AGPAT5: variants seen among roughly 807,000 people sequenced by gnomAD.
AGPAT5 encodes the protein 1-acylglycerol-3-phosphate O-acyltransferase 5, also known as 1-acyl-sn-glycerol-3-phosphate acyltransferase epsilon.
In AGPAT5, 46 loss-of-function variants were observed where a neutral mutation model predicts 45.6. The observed-to-expected ratio is 1.01, with a 90% CI of 0.80 to 1.29. The LOEUF is 1.29. Among genes scored for constraint, AGPAT5 ranks in the 50% most tolerant of loss-of-function variants. The pLI is 0.00. For missense variants in AGPAT5, 673 were observed against 450.7 expected, an observed-to-expected ratio of 1.49 and a Z score of -4.47; for synonymous variants, 272 against 167.0, an observed-to-expected ratio of 1.63 and a Z score of -4.85.
intron 6 of AGPAT5, among the ~76,000 whole-genome samples, chr8:6,753,261 C>G (rs1043139428): frequency 2.6e-5 from 4 of 152,192 alleles, no homozygotes; most frequent in African/African-American, 4.8e-5. Flanking sequence ...ACGAAGCATT[C>G]TATTTCTGAC....
At chr8:6,732,481 A>T in intron 3 of AGPAT5, 80 bp from the exon 4 acceptor site, 1 of 1,052,210 alleles carries the variant, frequency 9.5e-7, no homozygotes, top group Non-Finnish European at 1.3e-6. Flanking sequence ...ACTTTTTGCA[A>T]GAGAAGTTGC....
At chr8:6,710,440 C>G (rs1420618293) in intron 1 of AGPAT5, among the ~76,000 whole-genome samples, 1 of 152,142 alleles carries the variant, frequency 6.6e-6, no homozygotes, top group African/African-American at 2.4e-5. Flanking sequence ...CCTGAGGACC[C>G]TTAAGTATAA....
At position 6,736,735 on chromosome 8, in the gene AGPAT5, A is replaced by G. The variant is rs77094554; in HGVS notation, c.495+4085A>G. 2.7e-3 allele frequency among the ~76,000 whole-genome samples: 407 copies of G among 152,384 alleles called. 2 individuals are homozygous for G. Among genetic ancestry groups the G allele is most frequent in the African/African-American group, 9.4e-3 (389 of 41,600 alleles). Reference sequence around the variant, plus strand: ...AAACGAGATTCTGAGTTGAAGGTGAACTGAGCCATTCAGGCAGTGCAGCCA... The same window carrying G: ...AAACGAGATTCTGAGTTGAAGGTGAGCTGAGCCATTCAGGCAGTGCAGCCA... On this transcript the variant is annotated intron_variant, in intron 4 of 7. Transcript: ENST00000285518.
chr8:6,713,093 A>G (rs1800206159), intron 1 of AGPAT5, among the ~76,000 whole-genome samples: 2 of 152,184 alleles, frequency 1.3e-5, no homozygotes, highest in Non-Finnish European at 2.9e-5. Context: ...CCTGGGTTCA[A>G]GTGATCCTCC....
At chr8:6,750,011 C>G (rs1478177507) in intron 6 of AGPAT5, among the ~76,000 whole-genome samples, 1 of 152,198 alleles carries the variant, frequency 6.6e-6, no homozygotes, top group Non-Finnish European at 1.5e-5. Context: ...CTCCTGCACC[C>G]CATGCATATT....
intron 4 of AGPAT5, among the ~76,000 whole-genome samples, chr8:6,734,463 T>A (rs1339784922): frequency 6.6e-6 from 1 of 152,162 alleles, no homozygotes; most frequent in African/African-American, 2.4e-5. Flanking sequence ...TTTCATAGTT[T>A]CCATCTCTGT....
intron 1 of AGPAT5, chr8:6,709,104 G>T (rs561588911): frequency 4.9e-6 from 3 of 613,292 alleles, no homozygotes; most frequent in Non-Finnish European, 8.7e-6. Flanking sequence ...CTGAGGCTAC[G>T]AGTGGGACCC....
At chr8:6,724,126 C>G (rs1339545590) in intron 1 of AGPAT5, among the ~76,000 whole-genome samples, 2 of 152,150 alleles carry the variant, frequency 1.3e-5, no homozygotes, top group Non-Finnish European at 2.9e-5. Context: ...ACCTGTGTGC[C>G]TACCGCCCAG....
At chr8:6,738,426 T>C (rs1801128950) in intron 4 of AGPAT5, 1 of 152,210 alleles carries the variant, frequency 6.6e-6, no homozygotes, top group Non-Finnish European at 1.5e-5. Context: ...TGTCATCTTA[T>C]ATGGGTGCAA....
At chr8:6,746,777 A>G (rs913964848) in intron 5 of AGPAT5, among the ~76,000 whole-genome samples, 3 of 152,236 alleles carry the variant, frequency 2.0e-5, no homozygotes, top group Non-Finnish European at 4.4e-5. Flanking sequence ...AGAGGCCAGT[A>G]GAAAATCTAG....
intron 1 of AGPAT5, among the ~76,000 whole-genome samples, chr8:6,721,619 C>T (rs1181560312): frequency 2.0e-5 from 3 of 152,074 alleles, no homozygotes; most frequent in Non-Finnish European, 4.4e-5. Flanking sequence ...AAGTTCTCAT[C>T]GTAAAATGAC....
chr8:6,746,940 T>G (rs1176599421), intron 5 of AGPAT5, among the ~76,000 whole-genome samples: 1 of 152,216 alleles, frequency 6.6e-6, no homozygotes, highest in Admixed American at 6.5e-5. Flanking sequence ...TGAATGGGAT[T>G]TGTTCTGGAT....
At chr8:6,726,088 A>C (rs576315938) in intron 2 of AGPAT5, among the ~76,000 whole-genome samples, 3 of 152,358 alleles carry the variant, frequency 2.0e-5, no homozygotes, top group African/African-American at 7.2e-5. Context: ...TTATTACATG[A>C]CTGGTTCAGA....
In AGPAT5 at chr8:6,730,661, C is replaced by T. The variant is rs1430611896; in HGVS notation, c.290-50C>T. 16 of 1,240,234 alleles carry T rather than the reference C, an allele frequency of 1.3e-5. No homozygotes were observed. The Admixed American group carries it at 2.6e-4, about 21-fold the overall frequency. The allele number at this position is 1,240,234 out of a possible 1,614,324, so 76.8% of individuals were successfully genotyped here. The stretch of plus-strand genomic sequence containing the variant: ...GTACTTTTGAAGCCCATTCATAGTA[C>T]AACCTGTGAAGAGCCTCATGTACGC... On this transcript the variant is annotated intron_variant, in intron 2 of 7. Coordinates refer to ENST00000285518, the MANE Select transcript of AGPAT5 (RefSeq NM_018361.5).
At position 6,724,899 on chromosome 8, in the gene AGPAT5, T is replaced by C; in HGVS notation, c.249T>C (p.Asn83=). Residue 83 remains asparagine (N), a synonymous_variant, in exon 2 of 8, where the codon AAT becomes AAC. Transcript: ENST00000285518. ...QILLYGDLPK[N]KENIIYLANH... ...TGCTATATGGAGATTTGCCAAAAAA[T>C]AAAGAAAATATAATATATTTAGCAA... 1 of 1,154,984 alleles carries C rather than the reference T, an allele frequency of 8.7e-7. No homozygotes were observed. The highest frequency in any genetic ancestry group is 1.1e-6 in the Non-Finnish European group (1 of 873,946). The allele number at this position is 1,154,984 out of a possible 1,614,324, so 71.5% of individuals were successfully genotyped here. A position where few individuals can be genotyped will look rare whatever the true frequency, so the allele number is the denominator to read the frequency against.
intron 4 of AGPAT5, among the ~76,000 whole-genome samples, chr8:6,740,053 C>A (rs191838716): frequency 3.3e-4 from 50 of 152,228 alleles, no homozygotes; most frequent in Non-Finnish European, 3.5e-4. Context: ...ATCCTTTGTG[C>A]AGTTCCTGGA....
chr8:6,710,894 CTTGTT>C (rs1451674483), intron 1 of AGPAT5, among the ~76,000 whole-genome samples: 1 of 152,038 alleles, frequency 6.6e-6, no homozygotes, highest in Non-Finnish European at 1.5e-5. Context: ...GCTTGCTTTT[CTTGTT>C]TTGTTAGGAC....
chr8:6,752,920 C>T (rs1801705372), intron 6 of AGPAT5, among the ~76,000 whole-genome samples: 1 of 152,216 alleles, frequency 6.6e-6, no homozygotes, highest in African/African-American at 2.4e-5. Flanking sequence ...GCATGCTCCT[C>T]TCATTGTCCC....
chr8:6,718,005 C>T (rs1363457980), intron 1 of AGPAT5, among the ~76,000 whole-genome samples: 1 of 152,174 alleles, frequency 6.6e-6, no homozygotes, highest in Non-Finnish European at 1.5e-5. Context: ...GATTAAGTGT[C>T]AACTTCTCAG....
Sources: allele counts gnomAD v4.1 joint callset (sites outside exome capture counted in the v4.1 genomes callset), GRCh38; gene constraint gnomAD v4.1.1; transcripts MANE v1.5; gene names NCBI Gene and HGNC (gene_info 2026-07-23, HGNC 2026-07-21).